The following SH3PXD2A variants were observed in gnomAD, a reference collection of about 807,000 sequenced individuals.
The protein encoded by SH3PXD2A is SH3 and PX domain-containing protein 2A.
Under a neutral mutation model 115.2 loss-of-function variants are expected in SH3PXD2A, and 32 were observed. The observed-to-expected ratio is 0.28, with a 90% CI of 0.21 to 0.37. The LOEUF (loss-of-function observed/expected upper bound fraction) is 0.37, where lower values mean the gene tolerates loss of function less well. Among genes scored for constraint, SH3PXD2A ranks in the 10% least tolerant of loss-of-function variants. The pLI, the probability that SH3PXD2A is intolerant of heterozygous loss-of-function variation, is 1.00. For missense variants in SH3PXD2A, 1,328 were observed against 1,498.7 expected (o/e 0.89, Z 1.88); for synonymous variants, 610 against 629.1 (o/e 0.97, Z 0.45).
At chr10:103,843,550 G>A (rs1290709838) in intron 1 of SH3PXD2A, among the ~76,000 whole-genome samples, 1 of 152,184 alleles carries the variant, frequency 6.6e-6, no homozygotes, top group East Asian at 1.9e-4. Flanking sequence ...CCTGCAAATA[G>A]AGGCCAGACC....
intron 5 of SH3PXD2A, among the ~76,000 whole-genome samples, chr10:103,723,700 C>G (rs545451653): frequency 6.6e-6 from 1 of 152,168 alleles, no homozygotes; most frequent in Non-Finnish European, 1.5e-5. Context: ...CTGACCTCAC[C>G]GAGCCATGGT....
At chr10:103,800,056 G>A (rs778996973) in intron 2 of SH3PXD2A, among the ~76,000 whole-genome samples, 1 of 152,140 alleles carries the variant, frequency 6.6e-6, no homozygotes, top group Non-Finnish European at 1.5e-5. Context: ...ACAACCAAAG[G>A]CCTGCCAAGA....
chr10:103,695,707 C>T (rs978807343), intron 5 of SH3PXD2A, among the ~76,000 whole-genome samples: 4 of 152,204 alleles, frequency 2.6e-5, no homozygotes, highest in African/African-American at 9.7e-5. Flanking sequence ...CCTGGGGATT[C>T]TGAGGCTGCT....
intron 7 of SH3PXD2A, among the ~76,000 whole-genome samples, chr10:103,662,386 CT>C (rs571936334): frequency 0.029 from 1,167 of 39,670 alleles, no homozygotes; most frequent in Middle Eastern, 0.062. Flanking sequence ...ATATGATGTG[CT>C]TTTTTTTTTT....
intron 7 of SH3PXD2A, among the ~76,000 whole-genome samples, chr10:103,667,513 C>T (rs1188593316): frequency 6.6e-6 from 1 of 152,238 alleles, no homozygotes; most frequent in African/African-American, 2.4e-5. Flanking sequence ...AGCTCAGGCC[C>T]AGGCCCTCGT....
At chr10:103,632,779 G>T (rs1030436232) in intron 8 of SH3PXD2A, among the ~76,000 whole-genome samples, 44 of 152,244 alleles carry the variant, frequency 2.9e-4, no homozygotes, top group African/African-American at 1.0e-3. Context: ...ATCGAGACCA[G>T]CCCAGCCAAC....
intron 1 of SH3PXD2A, among the ~76,000 whole-genome samples, chr10:103,849,307 T>C (rs1215399308): frequency 1.3e-5 from 2 of 152,222 alleles, no homozygotes; most frequent in Non-Finnish European, 1.5e-5. Context: ...TTTCCCCATC[T>C]ATAAAATGGG....
chr10:103,849,221 C>A (rs916866200), intron 1 of SH3PXD2A, among the ~76,000 whole-genome samples: 1 of 152,068 alleles, frequency 6.6e-6, no homozygotes, highest in African/African-American at 2.4e-5. Context: ...ATGTGGGTGT[C>A]AGAGACCAGG....
At chr10:103,646,726 C>T (rs1331533274) in intron 8 of SH3PXD2A, among the ~76,000 whole-genome samples, 3 of 152,232 alleles carry the variant, frequency 2.0e-5, no homozygotes, top group Non-Finnish European at 4.4e-5. Flanking sequence ...CAGTGCCTGG[C>T]ATACAGCAGG....
chr10:103,634,109 G>A (rs1774755531), intron 8 of SH3PXD2A, among the ~76,000 whole-genome samples: 1 of 152,248 alleles, frequency 6.6e-6, no homozygotes, highest in Admixed American at 6.5e-5. Flanking sequence ...GCCCCCGGGA[G>A]CTTCCAGCTG....
At chr10:103,750,575 C>T (rs1315561021) in intron 3 of SH3PXD2A, among the ~76,000 whole-genome samples, 1 of 152,116 alleles carries the variant, frequency 6.6e-6, no homozygotes, top group African/African-American at 2.4e-5. Context: ...TCATGAGCCC[C>T]CTGAGCGATT....
intron 3 of SH3PXD2A, chr10:103,754,683 G>C (rs1362291214): frequency 6.6e-6 from 1 of 152,132 alleles, no homozygotes; most frequent in Non-Finnish European, 1.5e-5. Flanking sequence ...GCTAGTGATG[G>C]GGAGAGAGGG....
chr10:103,661,683 A>G, intron 7 of SH3PXD2A: 3 of 984,980 alleles, frequency 3.0e-6, no homozygotes, highest in Non-Finnish European at 3.6e-6. Flanking sequence ...GAGGGAGAGG[A>G]GAGAGCGGGA....
At chr10:103,611,675 GCAA>G in intron 12 of SH3PXD2A, 45 bp from the exon 13 acceptor site, 2 of 1,492,086 alleles carry the variant, frequency 1.3e-6, no homozygotes, top group Non-Finnish European at 1.9e-6. Context: ...CAGACGATGG[GCAA>G]CAGTACCCAT....
chr10:103,721,604 T>C (rs893975616), intron 5 of SH3PXD2A, among the ~76,000 whole-genome samples: 2 of 152,154 alleles, frequency 1.3e-5, no homozygotes, highest in African/African-American at 2.4e-5. Flanking sequence ...CTGATCCTTT[T>C]CCCCCGTGGC....
intron 8 of SH3PXD2A, among the ~76,000 whole-genome samples, chr10:103,653,956 G>A (rs1444924637): frequency 6.6e-6 from 1 of 151,534 alleles, no homozygotes; most frequent in East Asian, 2.0e-4. Flanking sequence ...TTCTGCTTGG[G>A]GCACATAGAT....
At chr10:103,836,720 C>T (rs1178079107) in intron 1 of SH3PXD2A, among the ~76,000 whole-genome samples, 1 of 144,248 alleles carries the variant, frequency 6.9e-6, no homozygotes, top group Non-Finnish European at 1.5e-5. Flanking sequence ...TTCTTTTCTC[C>T]CTTTGTTTTC....
At chr10:103,815,127 A>G (rs1458739500) in intron 1 of SH3PXD2A, among the ~76,000 whole-genome samples, 1 of 152,194 alleles carries the variant, frequency 6.6e-6, no homozygotes, top group Non-Finnish European at 1.5e-5. Context: ...ACATAGCACA[A>G]ATCTCCATGA....
intron 2 of SH3PXD2A, among the ~76,000 whole-genome samples, chr10:103,796,956 G>A (rs539888733): frequency 2.0e-5 from 3 of 149,502 alleles, no homozygotes; most frequent in East Asian, 2.0e-4. Context: ...GGACCTCCCC[G>A]GCCTCAAGCA....
Sources: allele counts gnomAD v4.1 joint callset (sites outside exome capture counted in the v4.1 genomes callset), GRCh38; gene constraint gnomAD v4.1.1; transcripts MANE v1.5; gene names NCBI Gene and HGNC (gene_info 2026-07-23, HGNC 2026-07-21).